The following AUTS2 variants were observed in gnomAD, a reference collection of about 807,000 sequenced individuals.
AUTS2 encodes activator of transcription and developmental regulator AUTS2.
A neutral mutation model predicts 112.4 loss-of-function variants in AUTS2; 17 were observed. The ratio of observed to expected loss-of-function variants is 0.15; its 90% CI spans 0.10 to 0.23. The LOEUF is 0.23. AUTS2 is among the 10% of genes least tolerant of loss of function. The pLI is 1.00. For missense variants in AUTS2, 1,510 were observed against 1,701.6 expected (o/e 0.89, Z 1.98); for synonymous variants, 751 against 702.7 (o/e 1.07, Z -1.09).
At chr7:70,789,717 C>G (rs768187102) in intron 18 of AUTS2, 31 bp from the exon 19 acceptor site, 7 of 1,593,756 alleles carry the variant, frequency 4.4e-6, no homozygotes, top group Non-Finnish European at 6.0e-6. Flanking sequence ...TTCATTTCAT[C>G]TGCGTCCTTG....
intron 1 of AUTS2, among the ~76,000 whole-genome samples, chr7:69,621,658 C>T (rs1412565347): frequency 6.6e-6 from 1 of 152,158 alleles, no homozygotes; most frequent in Non-Finnish European, 1.5e-5. Context: ...TTGTGTCACT[C>T]ATACTTCTGT....
chr7:70,776,701 A>G (rs1790718306), intron 13 of AUTS2: 1 of 278,434 alleles, frequency 3.6e-6, no homozygotes, highest in Admixed American at 5.2e-5. Flanking sequence ...ACATTCACTA[A>G]TGAGCTCTTC....
intron 5 of AUTS2, among the ~76,000 whole-genome samples, chr7:70,466,010 C>T (rs1308971297): frequency 1.3e-5 from 2 of 152,088 alleles, no homozygotes; most frequent in South Asian, 4.1e-4. Flanking sequence ...GGTGTTTCAC[C>T]ATGTCATCTT....
At chr7:70,513,523 CAA>C (rs1417651430) in intron 5 of AUTS2, among the ~76,000 whole-genome samples, 1 of 152,234 alleles carries the variant, frequency 6.6e-6, no homozygotes, top group East Asian at 1.9e-4. Flanking sequence ...TCCACCACAG[CAA>C]ACCCCACTGG....
At chr7:70,211,023 A>C (rs1810853133) in intron 4 of AUTS2, among the ~76,000 whole-genome samples, 1 of 152,130 alleles carries the variant, frequency 6.6e-6, no homozygotes, top group Non-Finnish European at 1.5e-5. Flanking sequence ...AGAGAAAGTC[A>C]ATGTCAAATG....
At chr7:69,770,812 C>T (rs1038572845) in intron 1 of AUTS2, among the ~76,000 whole-genome samples, 1 of 151,852 alleles carries the variant, frequency 6.6e-6, no homozygotes, top group African/African-American at 2.4e-5. Context: ...CCCCCCTCAC[C>T]TCAGCTGCAC....
At chr7:70,242,667 T>C (rs1213895065) in intron 4 of AUTS2, among the ~76,000 whole-genome samples, 3 of 152,186 alleles carry the variant, frequency 2.0e-5, no homozygotes, top group Non-Finnish European at 4.4e-5. Context: ...TTAATCTTAT[T>C]CAACCTGGTT....
At position 69,659,722 on chromosome 7, in the gene AUTS2, G is replaced by A. The variant is rs556845823; in HGVS notation, c.309+59760G>A. ...TAGCTGACTCCAGGGGCCTTCTGTTGTTTCTACTATCCCACTTCCTCAGTG... is the reference window on the plus strand; with the variant it reads ...TAGCTGACTCCAGGGGCCTTCTGTTATTTCTACTATCCCACTTCCTCAGTG... On this transcript the variant is annotated intron_variant, in intron 1 of 18. Coordinates refer to ENST00000342771, the MANE Select transcript of AUTS2 (RefSeq NM_015570.4). Among the ~76,000 whole-genome samples, 4 of 150,778 alleles carry A rather than the reference G, an allele frequency of 2.7e-5. No individual in the cohort carries two copies. The Middle Eastern group carries it at 0.01, about 393-fold the overall frequency.
chr7:69,665,832 C>T (rs548292849), intron 1 of AUTS2, among the ~76,000 whole-genome samples: 1 of 152,200 alleles, frequency 6.6e-6, no homozygotes, highest in East Asian at 1.9e-4. Context: ...GAGATAAATG[C>T]TTTATTGGGC....
chr7:70,486,223 C>T (rs1350798313), intron 5 of AUTS2, among the ~76,000 whole-genome samples: 4 of 152,162 alleles, frequency 2.6e-5, no homozygotes, highest in Non-Finnish European at 5.9e-5. Flanking sequence ...GCACAGGGCA[C>T]AGGGGTTAGC....
chr7:70,647,979 T>A (rs1360557363), intron 5 of AUTS2, among the ~76,000 whole-genome samples: 4 of 152,156 alleles, frequency 2.6e-5, no homozygotes, highest in Non-Finnish European at 5.9e-5. Flanking sequence ...CATGGCCTGA[T>A]GTAGTGGTAG....
intron 5 of AUTS2, among the ~76,000 whole-genome samples, chr7:70,643,462 C>A (rs148553561): frequency 0.025 from 3,854 of 152,176 alleles, 187 homozygotes; most frequent in African/African-American, 0.088. Context: ...TCCCAGCTAC[C>A]CAGGAGGCTG....
intron 1 of AUTS2, among the ~76,000 whole-genome samples, chr7:69,882,131 CAA>C (rs1794076960): frequency 1.0e-5 from 1 of 99,622 alleles, no homozygotes; most frequent in African/African-American, 4.0e-5. Flanking sequence ...GCCTGGGCAA[CAA>C]GAGCGAAACT....
chr7:70,643,805 C>T (rs553331550), intron 5 of AUTS2, among the ~76,000 whole-genome samples: 1 of 152,242 alleles, frequency 6.6e-6, no homozygotes, highest in Non-Finnish European at 1.5e-5. Context: ...ATTCCCATAC[C>T]CACAATTCAG....
At chr7:70,605,054 T>C (rs1803659186) in intron 5 of AUTS2, among the ~76,000 whole-genome samples, 1 of 152,240 alleles carries the variant, frequency 6.6e-6, no homozygotes, top group South Asian at 2.1e-4. Context: ...GGCGGTTCCA[T>C]TAAGCACGCA....
chr7:70,668,187 T>A (rs1379051916), intron 5 of AUTS2, among the ~76,000 whole-genome samples: 4 of 152,214 alleles, frequency 2.6e-5, no homozygotes, highest in Non-Finnish European at 1.5e-5. Flanking sequence ...CCATGTTGGC[T>A]AGGCTGGTCT....
intron 4 of AUTS2, among the ~76,000 whole-genome samples, chr7:70,300,053 C>A (rs1388795454): frequency 6.6e-6 from 1 of 152,114 alleles, no homozygotes; most frequent in East Asian, 1.9e-4. Context: ...TATGAATAGT[C>A]CACTGCATCA....
intron 1 of AUTS2, among the ~76,000 whole-genome samples, chr7:69,780,117 A>G (rs1330663100): frequency 6.6e-6 from 1 of 152,116 alleles, no homozygotes; most frequent in Non-Finnish European, 1.5e-5. Flanking sequence ...TGGCCTCCCC[A>G]AATACTGGGA....
At chr7:69,785,790 A>G (rs1216849345) in intron 1 of AUTS2, among the ~76,000 whole-genome samples, 3 of 152,144 alleles carry the variant, frequency 2.0e-5, no homozygotes, top group Non-Finnish European at 2.9e-5. Flanking sequence ...TGCTAACTAC[A>G]TCTATTCCAC....
Sources: gnomAD v4.1 joint callset for allele counts (sites outside exome capture counted in the v4.1 genomes callset) on GRCh38, gnomAD v4.1.1 for gene constraint, MANE v1.5 for transcripts, NCBI Gene and HGNC (gene_info 2026-07-23, HGNC 2026-07-21) for gene names.